NEGR1: variants seen among roughly 807,000 people sequenced by gnomAD.
NEGR1 encodes neuronal growth regulator 1.
In NEGR1, 10 loss-of-function variants were observed where a neutral mutation model predicts 40.9. The ratio of observed to expected loss-of-function variants is 0.24; its 90% CI spans 0.15 to 0.42. NEGR1 has a LOEUF of 0.42. NEGR1 is among the 10% of genes least tolerant of loss of function. The pLI is 1.00. For synonymous variants in NEGR1, 185 were observed against 166.8 expected (o/e 1.11, Z -0.84); for missense variants, 352 against 438.9 (o/e 0.80, Z 1.77).
intron 1 of NEGR1, among the ~76,000 whole-genome samples, chr1:72,026,856 A>G (rs1398445818): frequency 6.6e-6 from 1 of 151,854 alleles, no homozygotes; most frequent in African/African-American, 2.4e-5. Flanking sequence ...CTGGCTTTTT[A>G]TCCTAGCCTC....
At chr1:71,542,674 T>C (rs770965070) in intron 6 of NEGR1, among the ~76,000 whole-genome samples, 4 of 151,720 alleles carry the variant, frequency 2.6e-5, no homozygotes, top group Admixed American at 6.6e-5. Context: ...ATCTTTGCAA[T>C]GTTTCACCAC....
chr1:71,419,659 C>T (rs1311619948), intron 6 of NEGR1, among the ~76,000 whole-genome samples: 1 of 152,000 alleles, frequency 6.6e-6, no homozygotes, highest in Non-Finnish European at 1.5e-5. Flanking sequence ...AGTTTTGTCT[C>T]CTCTTGTATT....
intron 3 of NEGR1, among the ~76,000 whole-genome samples, chr1:71,768,227 G>C (rs1656197116): frequency 6.6e-6 from 1 of 152,152 alleles, no homozygotes; most frequent in Admixed American, 6.5e-5. Context: ...ACCTGGAAAA[G>C]CAGCAACCAC....
At chr1:72,250,442 CTG>C (rs1338840282) in intron 1 of NEGR1, among the ~76,000 whole-genome samples, 14 of 152,198 alleles carry the variant, frequency 9.2e-5, no homozygotes, top group African/African-American at 3.4e-4. Flanking sequence ...AAAAAAATGA[CTG>C]TTTGTAAATG....
At chr1:71,641,866 G>T (rs547987376) in intron 4 of NEGR1, among the ~76,000 whole-genome samples, 2 of 152,092 alleles carry the variant, frequency 1.3e-5, no homozygotes, top group African/African-American at 4.8e-5. Flanking sequence ...AGAGTGACAA[G>T]AATGACATCT....
chr1:71,594,179 G>A (rs1348735593), intron 5 of NEGR1, among the ~76,000 whole-genome samples: 1 of 152,116 alleles, frequency 6.6e-6, no homozygotes, highest in African/African-American at 2.4e-5. Flanking sequence ...CCTACAATGA[G>A]TATGTCAACT....
intron 1 of NEGR1, among the ~76,000 whole-genome samples, chr1:72,191,226 G>A (rs1367191862): frequency 6.6e-6 from 1 of 151,646 alleles, no homozygotes; most frequent in African/African-American, 2.4e-5. Flanking sequence ...GATTCATAGA[G>A]TATTATTAAA....
chr1:71,689,964 A>C (rs1320827257), intron 4 of NEGR1, among the ~76,000 whole-genome samples: 1 of 152,092 alleles, frequency 6.6e-6, no homozygotes, highest in African/African-American at 2.4e-5. Flanking sequence ...GAAAGAAATG[A>C]GTGAAGACAA....
intron 5 of NEGR1, among the ~76,000 whole-genome samples, chr1:71,598,831 A>G (rs1649824101): frequency 1.3e-5 from 2 of 152,306 alleles, no homozygotes; most frequent in South Asian, 2.1e-4. Flanking sequence ...TGGCCAAATT[A>G]TCATCATAAC....
chr1:72,227,142 A>C (rs951201669), intron 1 of NEGR1, among the ~76,000 whole-genome samples: 1 of 152,060 alleles, frequency 6.6e-6, no homozygotes, highest in Admixed American at 6.6e-5. Context: ...ATCCACAAAA[A>C]ATGAGTTAAT....
At chr1:71,497,124 C>T (rs1646969242) in intron 6 of NEGR1, among the ~76,000 whole-genome samples, 1 of 152,100 alleles carries the variant, frequency 6.6e-6, no homozygotes, top group Non-Finnish European at 1.5e-5. Flanking sequence ...ATTTCCAGTA[C>T]AAAATGCATT....
chr1:72,121,199 C>T (rs192325343), intron 1 of NEGR1, among the ~76,000 whole-genome samples: 189 of 151,890 alleles, frequency 1.2e-3, no homozygotes, highest in African/African-American at 4.3e-3. Context: ...GCATACACAC[C>T]CCAAAGCCAA....
chr1:71,700,309 G>A (rs1186747161), intron 3 of NEGR1, among the ~76,000 whole-genome samples: 1 of 151,904 alleles, frequency 6.6e-6, no homozygotes, highest in African/African-American at 2.4e-5. Flanking sequence ...TGACACATAT[G>A]AAACCCAGAA....
intron 6 of NEGR1, among the ~76,000 whole-genome samples, chr1:71,464,115 T>G (rs1247358832): frequency 6.6e-6 from 1 of 152,088 alleles, no homozygotes; most frequent in Non-Finnish European, 1.5e-5. Context: ...AAAATCAAGT[T>G]TTAGTCTTCT....
chr1:71,611,248 A>G lies in NEGR1; in HGVS notation c.668-102T>C, dbSNP rs563548424. 76 of 1,066,388 alleles carry G rather than the reference A, an allele frequency of 7.1e-5. 1 individual carries two copies. The South Asian group carries it at 9.7e-4, about 14-fold the overall frequency. 66.1% of individuals were successfully genotyped at this position (1,066,388 alleles called of 1,614,324 possible). A position where few individuals can be genotyped will look rare whatever the true frequency, so the allele number is the denominator to read the frequency against. On this transcript the variant is annotated intron_variant, in intron 4 of 6. Transcript: ENST00000357731. ...TTTTATTCCTTCTATATTCAAAGCAATCTTATGCCTGATAGACCAACGCAT... is the reference window on the plus strand; with the variant it reads ...TTTTATTCCTTCTATATTCAAAGCAGTCTTATGCCTGATAGACCAACGCAT...
chr1:72,217,274 A>G (rs1210859861), intron 1 of NEGR1, among the ~76,000 whole-genome samples: 1 of 151,748 alleles, frequency 6.6e-6, no homozygotes, highest in Non-Finnish European at 1.5e-5. Flanking sequence ...CAATTATGAA[A>G]ATAAACATTT....
At chr1:71,879,911 T>C (rs1660535816) in intron 2 of NEGR1, among the ~76,000 whole-genome samples, 1 of 152,180 alleles carries the variant, frequency 6.6e-6, no homozygotes, top group Non-Finnish European at 1.5e-5. Context: ...AACCTCAGTA[T>C]GAAGAAGTTA....
chr1:72,020,160 TA>T (rs1297787986), intron 1 of NEGR1, among the ~76,000 whole-genome samples: 4 of 152,170 alleles, frequency 2.6e-5, no homozygotes, highest in African/African-American at 9.7e-5. Flanking sequence ...ATAGATCACC[TA>T]AAAATATTTG....
At chr1:72,051,880 G>C (rs973352991) in intron 1 of NEGR1, among the ~76,000 whole-genome samples, 1 of 151,574 alleles carries the variant, frequency 6.6e-6, no homozygotes, top group South Asian at 2.1e-4. Context: ...TATGCCAAGA[G>C]AATAGAAAGA....
Sources: gnomAD v4.1 joint callset for allele counts (sites outside exome capture counted in the v4.1 genomes callset) on GRCh38, gnomAD v4.1.1 for gene constraint, MANE v1.5 for transcripts, NCBI Gene and HGNC (gene_info 2026-07-23, HGNC 2026-07-21) for gene names.